The following SMURF1 variants were observed in gnomAD, a reference collection of about 807,000 sequenced individuals.
The protein encoded by SMURF1 is E3 ubiquitin-protein ligase SMURF1.
SMURF1 carries 44 observed loss-of-function variants against 98.0 expected under a neutral mutation model. The observed-to-expected ratio is 0.45, with a 90% CI of 0.35 to 0.58. The LOEUF (loss-of-function observed/expected upper bound fraction) is 0.58, where lower values mean the gene tolerates loss of function less well. SMURF1 is among the 20% of genes least tolerant of loss of function. The pLI is 0.00. For synonymous variants in SMURF1, 396 were observed against 374.9 expected (o/e 1.06, Z -0.65); for missense variants, 687 against 938.4 (o/e 0.73, Z 3.50).
chr7:99,061,045 T>C (rs913494165), intron 2 of SMURF1, among the ~76,000 whole-genome samples: 2 of 152,218 alleles, frequency 1.3e-5, no homozygotes, highest in African/African-American at 4.8e-5. Flanking sequence ...ATCTTATCTA[T>C]GGAAGCAAGT....
chr7:99,034,506 T>A (rs1489992341), intron 16 of SMURF1, among the ~76,000 whole-genome samples: 1 of 152,066 alleles, frequency 6.6e-6, no homozygotes, highest in Non-Finnish European at 1.5e-5. Context: ...CTGTTTTTTT[T>A]CCTCGGGGGG....
intron 17 of SMURF1, among the ~76,000 whole-genome samples, chr7:99,032,525 C>G (rs1418374026): frequency 1.3e-5 from 2 of 152,088 alleles, no homozygotes; most frequent in Non-Finnish European, 2.9e-5. Flanking sequence ...AAAAATTAGC[C>G]AAGTGTGGTG....
chr7:99,092,540 G>A (rs998675983), intron 1 of SMURF1, among the ~76,000 whole-genome samples: 16 of 152,158 alleles, frequency 1.1e-4, no homozygotes, highest in East Asian at 1.9e-4. Flanking sequence ...GCGCCTTCTC[G>A]TTTCAGCCTC....
At chr7:99,138,337 G>C (rs1459855462) in intron 1 of SMURF1, among the ~76,000 whole-genome samples, 1 of 152,160 alleles carries the variant, frequency 6.6e-6, no homozygotes, top group Non-Finnish European at 1.5e-5. Context: ...CCACGATGTT[G>C]TACAAAACAG....
chr7:99,090,636 T>G (rs1351966339), intron 1 of SMURF1, among the ~76,000 whole-genome samples: 3 of 152,210 alleles, frequency 2.0e-5, no homozygotes, highest in Non-Finnish European at 4.4e-5. Flanking sequence ...TCATTAAATG[T>G]TCAATCTGTA....
chr7:99,135,423 C>T (rs935436754), intron 1 of SMURF1, among the ~76,000 whole-genome samples: 9 of 152,292 alleles, frequency 5.9e-5, no homozygotes, highest in African/African-American at 2.2e-4. Flanking sequence ...ATCTTTCAGT[C>T]GTATTCTATA....
At chr7:99,121,460 G>C (rs551139849) in intron 1 of SMURF1, among the ~76,000 whole-genome samples, 1 of 152,248 alleles carries the variant, frequency 6.6e-6, no homozygotes, top group Non-Finnish European at 1.5e-5. Context: ...TAGTTTGCAA[G>C]CCATATCTAT....
intron 1 of SMURF1, among the ~76,000 whole-genome samples, chr7:99,074,417 G>A (rs936636732): frequency 6.6e-6 from 1 of 152,092 alleles, no homozygotes; most frequent in African/African-American, 2.4e-5. Context: ...AAGACAATTC[G>A]ATGATGGGGG....
At chr7:99,122,580 G>A (rs921177645) in intron 1 of SMURF1, among the ~76,000 whole-genome samples, 4 of 150,246 alleles carry the variant, frequency 2.7e-5, no homozygotes, top group Non-Finnish European at 5.9e-5. Flanking sequence ...GGAGGCAGAT[G>A]TTGCAGTGAG....
At chr7:99,050,955 G>A in intron 8 of SMURF1, 3 of 1,551,236 alleles carry the variant, frequency 1.9e-6, no homozygotes, top group African/African-American at 1.4e-5. Context: ...AATTCGTATA[G>A]AAAAGCTGCA....
At chr7:99,140,421 G>A (rs1798091664) in intron 1 of SMURF1, among the ~76,000 whole-genome samples, 2 of 151,524 alleles carry the variant, frequency 1.3e-5, no homozygotes, top group African/African-American at 4.9e-5. Flanking sequence ...CCAGTAGCTG[G>A]GACTACAGGC....
At chr7:99,118,201 A>G (rs1563036417) in intron 1 of SMURF1, among the ~76,000 whole-genome samples, 1 of 152,220 alleles carries the variant, frequency 6.6e-6, no homozygotes, top group African/African-American at 2.4e-5. Context: ...AACACCACTG[A>G]TGGGATGGTA....
chr7:99,076,371 C>T (rs914902349), intron 1 of SMURF1, among the ~76,000 whole-genome samples: 1 of 152,260 alleles, frequency 6.6e-6, no homozygotes, highest in African/African-American at 2.4e-5. Context: ...ATATTAAGAG[C>T]ATGAAATTTT....
At chr7:99,140,027 A>C (rs1362092723) in intron 1 of SMURF1, among the ~76,000 whole-genome samples, 1 of 152,218 alleles carries the variant, frequency 6.6e-6, no homozygotes, top group Non-Finnish European at 1.5e-5. Flanking sequence ...GCCCAACAGT[A>C]ATTTGAAATA....
At chr7:99,104,580 C>T (rs529042542) in intron 1 of SMURF1, among the ~76,000 whole-genome samples, 2 of 152,180 alleles carry the variant, frequency 1.3e-5, no homozygotes, top group Admixed American at 6.5e-5. Context: ...CCTGCCCATA[C>T]GGTTTTGCTA....
At chr7:99,095,374 G>A (rs1367430274) in intron 1 of SMURF1, among the ~76,000 whole-genome samples, 3 of 152,072 alleles carry the variant, frequency 2.0e-5, no homozygotes, top group African/African-American at 7.2e-5. Flanking sequence ...GCCACCGCAG[G>A]CGGACTGTTT....
chr7:99,032,637 C>A lies in SMURF1; in HGVS notation c.2096+400G>T, dbSNP rs528612442. 9.2e-5 allele frequency among the ~76,000 whole-genome samples: 14 copies of A among 152,310 alleles called. No homozygotes were observed. The South Asian group carries it at 1.9e-3, about 20-fold the overall frequency. ...TGAGCCGAGATCGTGCCACTGCACT[C>A]CATCCTGAGTGACAAAGCAAGACTG... On this transcript the variant is annotated intron_variant, in intron 17 of 17. Transcript: ENST00000361368.
chr7:99,098,334 G>A (rs1796999197), intron 1 of SMURF1, among the ~76,000 whole-genome samples: 1 of 152,064 alleles, frequency 6.6e-6, no homozygotes, highest in Non-Finnish European at 1.5e-5. Flanking sequence ...CATTACAAAA[G>A]GTAACTGAGT....
intron 6 of SMURF1, among the ~76,000 whole-genome samples, 186 bp downstream of exon 6, chr7:99,054,604 C>A (rs898230572): frequency 2.6e-5 from 4 of 152,212 alleles, no homozygotes; most frequent in African/African-American, 9.7e-5. Flanking sequence ...CCACGCCCAG[C>A]CAACTCCAGT....
Sources: allele counts gnomAD v4.1 joint callset (sites outside exome capture counted in the v4.1 genomes callset), GRCh38; gene constraint gnomAD v4.1.1; transcripts MANE v1.5; gene names NCBI Gene and HGNC (gene_info 2026-07-23, HGNC 2026-07-21).